PTPRT: variants seen among roughly 807,000 people sequenced by gnomAD.
The protein encoded by PTPRT is protein tyrosine phosphatase receptor type T, also known as receptor-type tyrosine-protein phosphatase T.
PTPRT carries 56 observed loss-of-function variants against 176.8 expected under a neutral mutation model. The observed-to-expected ratio is 0.32, with a 90% CI of 0.26 to 0.40. The LOEUF is 0.40. PTPRT is among the 10% of genes least tolerant of loss of function. The pLI is 1.00. For synonymous variants in PTPRT, 783 were observed against 739.0 expected, an observed-to-expected ratio of 1.06 and a Z score of -0.96; for missense variants, 1,540 against 1,908.2, an observed-to-expected ratio of 0.81 and a Z score of 3.60.
At chr20:42,515,901 A>G (rs2072056631) in intron 7 of PTPRT, among the ~76,000 whole-genome samples, 1 of 150,306 alleles carries the variant, frequency 6.7e-6, no homozygotes, top group African/African-American at 2.5e-5. Flanking sequence ...TGGCACATAT[A>G]CACCATGGAA....
intron 1 of PTPRT, among the ~76,000 whole-genome samples, chr20:42,997,396 T>C (rs1984282767): frequency 6.6e-6 from 1 of 152,062 alleles, no homozygotes; most frequent in Non-Finnish European, 1.5e-5. Flanking sequence ...GCCTCCATAC[T>C]GTGAGGAAGC....
chr20:43,075,121 C>T (rs1325040441), intron 1 of PTPRT, among the ~76,000 whole-genome samples: 1 of 152,318 alleles, frequency 6.6e-6, no homozygotes, highest in South Asian at 2.1e-4. Context: ...TGCTTTCCGG[C>T]ACTAAACAGC....
At chr20:42,850,978 T>C (rs2078459026) in intron 2 of PTPRT, among the ~76,000 whole-genome samples, 2 of 152,218 alleles carry the variant, frequency 1.3e-5, no homozygotes, top group Admixed American at 1.3e-4. Context: ...ATTAGGGCTC[T>C]TGGTAGCTGG....
intron 1 of PTPRT, among the ~76,000 whole-genome samples, chr20:43,009,198 A>G (rs1414598290): frequency 6.6e-6 from 1 of 152,176 alleles, no homozygotes; most frequent in Non-Finnish European, 1.5e-5. Flanking sequence ...AGAACATGAG[A>G]ACTATCACTG....
chr20:42,718,455 T>C (rs941163692), intron 6 of PTPRT, among the ~76,000 whole-genome samples: 2 of 152,114 alleles, frequency 1.3e-5, no homozygotes, highest in African/African-American at 4.8e-5. Context: ...GGGAATGGCG[T>C]GAACCCAGGG....
chr20:42,200,539 C>T (rs938051453), intron 15 of PTPRT, among the ~76,000 whole-genome samples: 3 of 152,282 alleles, frequency 2.0e-5, no homozygotes, highest in Admixed American at 2.0e-4. Context: ...ACTTTGACCT[C>T]ACTGAGGAAC....
At chr20:42,225,234 C>A (rs1382686429) in intron 15 of PTPRT, among the ~76,000 whole-genome samples, 1 of 152,088 alleles carries the variant, frequency 6.6e-6, no homozygotes, top group African/African-American at 2.4e-5. Flanking sequence ...CTGCTAGTTA[C>A]AATTGATCTC....
intron 1 of PTPRT, among the ~76,000 whole-genome samples, chr20:43,083,051 G>C (rs2011482042): frequency 1.3e-5 from 2 of 151,808 alleles, no homozygotes; most frequent in Admixed American, 6.6e-5. Flanking sequence ...ATTTGAGACT[G>C]ATCTCCCATC....
intron 7 of PTPRT, among the ~76,000 whole-genome samples, chr20:42,638,167 T>A (rs1178694712): frequency 6.6e-6 from 1 of 152,132 alleles, no homozygotes; most frequent in East Asian, 1.9e-4. Flanking sequence ...ATTCCATTAC[T>A]CAGTTTGATA....
chr20:43,123,518 T>G (rs2013343008), intron 1 of PTPRT, among the ~76,000 whole-genome samples: 2 of 152,182 alleles, frequency 1.3e-5, no homozygotes, highest in Non-Finnish European at 1.5e-5. Flanking sequence ...GTCTTCCTGC[T>G]GCTAGAACTC....
intron 3 of PTPRT, among the ~76,000 whole-genome samples, chr20:42,787,564 C>T (rs977036707): frequency 2.6e-5 from 4 of 152,196 alleles, no homozygotes; most frequent in African/African-American, 7.2e-5. Flanking sequence ...CAGAGAATCT[C>T]GGGGAACACA....
At chr20:42,540,626 C>A (rs1464606633) in intron 7 of PTPRT, among the ~76,000 whole-genome samples, 1 of 151,992 alleles carries the variant, frequency 6.6e-6, no homozygotes, top group Non-Finnish European at 1.5e-5. Context: ...TTGAGTAGAG[C>A]TTTAGATAAT....
chr20:42,618,099 A>G (rs1049463377), intron 7 of PTPRT, among the ~76,000 whole-genome samples: 1 of 134,156 alleles, frequency 7.5e-6, no homozygotes, highest in Non-Finnish European at 1.6e-5. Flanking sequence ...TTCCCTCTAC[A>G]CACTGCTTTG....
intron 1 of PTPRT, among the ~76,000 whole-genome samples, chr20:42,932,192 A>C (rs1979899772): frequency 6.6e-6 from 1 of 152,234 alleles, no homozygotes; most frequent in South Asian, 2.1e-4. Flanking sequence ...GAGGTGCCAA[A>C]GACGTAGGTT....
chr20:42,117,635 T>C (rs565146179), intron 21 of PTPRT, among the ~76,000 whole-genome samples: 103 of 152,054 alleles, frequency 6.8e-4, no homozygotes, highest in Non-Finnish European at 1.4e-3. Flanking sequence ...AAGTGGAGAC[T>C]GGATTTGTCG....
intron 7 of PTPRT, among the ~76,000 whole-genome samples, chr20:42,519,291 T>C (rs2072126549): frequency 1.3e-5 from 2 of 152,142 alleles, no homozygotes; most frequent in South Asian, 4.1e-4. Flanking sequence ...TCACCCAGGT[T>C]TTTGTATGTA....
At chr20:42,882,312 T>A (rs990931172) in intron 2 of PTPRT, among the ~76,000 whole-genome samples, 1 of 152,212 alleles carries the variant, frequency 6.6e-6, no homozygotes, top group Non-Finnish European at 1.5e-5. Flanking sequence ...ATTTCAGTGA[T>A]CATTATCAAA....
chr20:42,828,915 C>T (rs1052729589), intron 2 of PTPRT, among the ~76,000 whole-genome samples: 1 of 152,160 alleles, frequency 6.6e-6, no homozygotes, highest in African/African-American at 2.4e-5. Context: ...AGTCTCCATA[C>T]AGAATCTCCA....
chr20:42,363,290 ATATATATATATTTTTTTT>A (rs1172389739), intron 9 of PTPRT, among the ~76,000 whole-genome samples: 107 of 25,652 alleles, frequency 4.2e-3, no homozygotes, highest in African/African-American at 0.017. Context: ...ATATATATAT[ATATATATATATTTTTTTT>A]TTTTTTTTTT....
Sources: gnomAD v4.1 joint callset for allele counts (sites outside exome capture counted in the v4.1 genomes callset) on GRCh38, gnomAD v4.1.1 for gene constraint, MANE v1.5 for transcripts, NCBI Gene and HGNC (gene_info 2026-07-23, HGNC 2026-07-21) for gene names.